The following PCDH9 variants were observed in gnomAD, a reference collection of about 807,000 sequenced individuals.
The protein encoded by PCDH9 is protocadherin 9, also known as protocadherin-9.
A neutral mutation model predicts 70.6 loss-of-function variants in PCDH9; 24 were observed. The observed-to-expected ratio is 0.34, with a 90% CI of 0.25 to 0.48. The LOEUF is 0.48. Among genes scored for constraint, PCDH9 ranks in the 20% least tolerant of loss-of-function variants. The probability of loss-of-function intolerance (pLI) is 0.99; values close to 1 mark genes in which losing one functional copy is unlikely to be tolerated. For synonymous variants in PCDH9, 562 were observed against 558.5 expected (o/e 1.01, Z -0.09); for missense variants, 1,281 against 1,503.6 (o/e 0.85, Z 2.45).
chr13:67,154,047 G>GA (rs548640630), intron 2 of PCDH9, among the ~76,000 whole-genome samples: 16 of 152,056 alleles, frequency 1.1e-4, no homozygotes, highest in Non-Finnish European at 2.2e-4. Context: ...AAGTGTAAAG[G>GA]AAAAAGAATA....
At chr13:66,906,575 G>A (rs2139606229) in intron 2 of PCDH9, among the ~76,000 whole-genome samples, 1 of 152,128 alleles carries the variant, frequency 6.6e-6, no homozygotes, top group East Asian at 1.9e-4. Flanking sequence ...ATCCCTAAAA[G>A]ATCTCACCCC....
At chr13:66,728,984 T>C (rs2079038921) in intron 3 of PCDH9, among the ~76,000 whole-genome samples, 1 of 152,132 alleles carries the variant, frequency 6.6e-6, no homozygotes, top group South Asian at 2.1e-4. Flanking sequence ...TTAATTTTCA[T>C]AAATTATCAT....
At chr13:66,467,076 G>A (rs145566096) in intron 4 of PCDH9, among the ~76,000 whole-genome samples, 18 of 152,144 alleles carry the variant, frequency 1.2e-4, no homozygotes, top group African/African-American at 4.3e-4. Flanking sequence ...CAATGGGGAA[G>A]TAGCTTTTTC....
At chr13:66,965,899 C>A (rs1299678535) in intron 2 of PCDH9, among the ~76,000 whole-genome samples, 1 of 151,692 alleles carries the variant, frequency 6.6e-6, no homozygotes, top group Non-Finnish European at 1.5e-5. Context: ...TTAAAACATG[C>A]AAATCAATAC....
intron 4 of PCDH9, among the ~76,000 whole-genome samples, chr13:66,468,366 C>T (rs1339629206): frequency 6.6e-6 from 1 of 152,088 alleles, no homozygotes; most frequent in Non-Finnish European, 1.5e-5. Flanking sequence ...TCAGACCCTT[C>T]TCCAATGACC....
intron 4 of PCDH9, among the ~76,000 whole-genome samples, chr13:66,416,282 A>G (rs550935572): frequency 6.6e-6 from 1 of 151,834 alleles, no homozygotes; most frequent in Admixed American, 6.6e-5. Flanking sequence ...CCCCAGGAAT[A>G]TAGTGTATAT....
intron 2 of PCDH9, among the ~76,000 whole-genome samples, chr13:67,116,982 A>G (rs1204713329): frequency 2.0e-5 from 3 of 152,196 alleles, no homozygotes; most frequent in African/African-American, 7.2e-5. Flanking sequence ...AAACTTTTAC[A>G]TTATCCATTA....
intron 4 of PCDH9, among the ~76,000 whole-genome samples, chr13:66,588,149 A>T (rs1411837444): frequency 6.6e-6 from 1 of 151,960 alleles, no homozygotes; most frequent in African/African-American, 2.4e-5. Flanking sequence ...CTTCACATAG[A>T]CATCTATAAT....
chr13:67,086,845 G>A (rs2086117780), intron 2 of PCDH9, among the ~76,000 whole-genome samples: 1 of 152,086 alleles, frequency 6.6e-6, no homozygotes, highest in Non-Finnish European at 1.5e-5. Context: ...TACAAACTTA[G>A]AAAGGAATAT....
chr13:66,935,948 G>A (rs1475779941), intron 2 of PCDH9, among the ~76,000 whole-genome samples: 3 of 151,998 alleles, frequency 2.0e-5, no homozygotes, highest in African/African-American at 4.8e-5. Context: ...AGCTGGGCAT[G>A]GTGGCGAGTG....
intron 2 of PCDH9, among the ~76,000 whole-genome samples, chr13:67,027,033 A>G (rs1319655953): frequency 6.6e-6 from 1 of 152,176 alleles, no homozygotes; most frequent in African/African-American, 2.4e-5. Flanking sequence ...CAAGCTACCA[A>G]TGAGTTTCTT....
At chr13:66,996,371 C>G (rs540270987) in intron 2 of PCDH9, 1 of 151,634 alleles carries the variant, frequency 6.6e-6, no homozygotes, top group East Asian at 1.9e-4. Context: ...AAAGAAAAAG[C>G]ACAGGATAGT....
intron 4 of PCDH9, among the ~76,000 whole-genome samples, chr13:66,563,033 A>T (rs979650687): frequency 1.3e-5 from 2 of 152,058 alleles, no homozygotes; most frequent in Admixed American, 1.3e-4. Context: ...TATCGAATTC[A>T]TTGACTTTTG....
rs565783705 is a variant in PCDH9, at chr13:66,718,715, AC to A, written c.3139-87305del. ...AAAATGGTTCAAACTTTACAATAAG[AC>A]AAAAGCACCAAAAGAAATGTTGGTC... On this transcript the variant is annotated intron_variant, in intron 3 of 4. Transcript: ENST00000377865. Among the ~76,000 whole-genome samples, 290 of 152,372 alleles carry A rather than the reference AC, an allele frequency of 1.9e-3. 1 individual carries two copies. Among genetic ancestry groups the A allele is most frequent in the African/African-American group, 6.8e-3 (282 of 41,586 alleles).
chr13:67,029,164 A>G (rs1476562843), intron 2 of PCDH9, among the ~76,000 whole-genome samples: 1 of 152,176 alleles, frequency 6.6e-6, no homozygotes, highest in Non-Finnish European at 1.5e-5. Context: ...TACTTAAAGA[A>G]CTTTGGAAAT....
chr13:66,398,557 A>G (rs975892368), intron 4 of PCDH9, among the ~76,000 whole-genome samples: 4 of 152,132 alleles, frequency 2.6e-5, no homozygotes, highest in African/African-American at 9.7e-5. Context: ...TTAATTCTGA[A>G]AAAAGTTTAT....
intron 4 of PCDH9, among the ~76,000 whole-genome samples, chr13:66,415,292 C>T (rs1957443057): frequency 6.6e-6 from 1 of 152,140 alleles, no homozygotes; most frequent in Non-Finnish European, 1.5e-5. Flanking sequence ...GTGCTATGAA[C>T]TAAAAGCCCA....
At chr13:66,684,882 A>G (rs1027000561) in intron 3 of PCDH9, among the ~76,000 whole-genome samples, 2 of 152,128 alleles carry the variant, frequency 1.3e-5, no homozygotes, top group Non-Finnish European at 2.9e-5. Flanking sequence ...AGATGTGAGA[A>G]AGTTTGGAAG....
chr13:67,228,092 T>A lies in PCDH9; in HGVS notation c.349A>T (p.Ile117Phe), dbSNP rs747275305. The part of the protein sequence containing the change: ...NECFFELEVV[I>F]LPNDFFRLIK... The stretch of plus-strand genomic sequence containing the variant: ...AGCCTGAAGAAATCATTGGGGAGGA[T>A]CACCACCTCAAGTTCAAAGAAACAC... The change falls in exon 2 of 5, where the codon ATC becomes TTC. Residue 117 changes from isoleucine to phenylalanine, a missense_variant. Ile to Phe is a conservative substitution (Grantham distance 21). This residue lies in a region of PCDH9 where 798 missense variants were observed against 1,003.1 expected (regional missense o/e 0.80). Coordinates refer to ENST00000377865, the MANE Select transcript of PCDH9 (RefSeq NM_203487.3). 6.2e-6 allele frequency: 10 copies of A among 1,614,002 alleles called. No individual in the cohort carries two copies. The highest frequency in any genetic ancestry group is 7.6e-6 in the Non-Finnish European group (9 of 1,180,008).
Sources: allele counts gnomAD v4.1 joint callset (sites outside exome capture counted in the v4.1 genomes callset), GRCh38; gene constraint gnomAD v4.1.1; regional missense constraint gnomAD v4.1.1; transcripts MANE v1.5; gene names NCBI Gene and HGNC (gene_info 2026-07-23, HGNC 2026-07-21).